The following IGF1R variants were observed in gnomAD, a reference collection of about 807,000 sequenced individuals.
IGF1R encodes the protein insulin like growth factor 1 receptor.
IGF1R carries 44 observed loss-of-function variants against 144.6 expected under a neutral mutation model. The observed-to-expected ratio is 0.30, with a 90% CI of 0.24 to 0.39. The LOEUF (loss-of-function observed/expected upper bound fraction) is 0.39, where lower values mean the gene tolerates loss of function less well. IGF1R is among the 10% of genes least tolerant of loss of function. IGF1R has a pLI of 1.00. For synonymous variants in IGF1R, 795 were observed against 722.8 expected, an observed-to-expected ratio of 1.10 and a Z score of -1.60; for missense variants, 1,355 against 1,833.7, an observed-to-expected ratio of 0.74 and a Z score of 4.77.
intron 2 of IGF1R, among the ~76,000 whole-genome samples, chr15:98,775,095 GT>G (rs1259616252): frequency 6.6e-6 from 1 of 152,082 alleles, no homozygotes; most frequent in Non-Finnish European, 1.5e-5. Context: ...GGGAAAATAG[GT>G]TATAATACCT....
intron 1 of IGF1R, among the ~76,000 whole-genome samples, chr15:98,694,602 T>G (rs772951186): frequency 1.3e-5 from 2 of 152,166 alleles, no homozygotes; most frequent in Non-Finnish European, 2.9e-5. Context: ...TGATTTGCTT[T>G]AAAGGCAAGG....
At chr15:98,933,743 C>T (rs958333674) in intron 15 of IGF1R, among the ~76,000 whole-genome samples, 6 of 152,140 alleles carry the variant, frequency 3.9e-5, no homozygotes, top group African/African-American at 1.4e-4. Context: ...TGGTCAAGGT[C>T]CCTGAGTTCA....
intron 2 of IGF1R, among the ~76,000 whole-genome samples, chr15:98,865,905 G>A (rs750608368): frequency 6.6e-6 from 1 of 152,098 alleles, no homozygotes; most frequent in African/African-American, 2.4e-5. Flanking sequence ...GAAAATCTGC[G>A]GTCCGAGAAC....
At chr15:98,733,941 A>G (rs531237925) in intron 2 of IGF1R, among the ~76,000 whole-genome samples, 67 of 152,254 alleles carry the variant, frequency 4.4e-4, no homozygotes, top group Non-Finnish European at 8.7e-4. Flanking sequence ...ACAGGAGCTG[A>G]TATTACATAC....
chr15:98,670,573 T>C (rs1442324861), intron 1 of IGF1R, among the ~76,000 whole-genome samples: 1 of 152,206 alleles, frequency 6.6e-6, no homozygotes, highest in African/African-American at 2.4e-5. Flanking sequence ...TACTGGTGTT[T>C]ATGAAATAAC....
intron 2 of IGF1R, among the ~76,000 whole-genome samples, chr15:98,808,603 C>T (rs1403402501): frequency 6.6e-6 from 1 of 151,972 alleles, no homozygotes; most frequent in East Asian, 1.9e-4. Flanking sequence ...AAGGCCCTCA[C>T]CCTTGAGGTG....
intron 2 of IGF1R, among the ~76,000 whole-genome samples, chr15:98,737,201 T>TA (rs2054631796): frequency 6.6e-6 from 1 of 152,180 alleles, no homozygotes; most frequent in Non-Finnish European, 1.5e-5. Context: ...TCATCTGACT[T>TA]ACACAGTGGT....
chr15:98,773,957 A>G (rs773314719), intron 2 of IGF1R, among the ~76,000 whole-genome samples: 6 of 152,028 alleles, frequency 3.9e-5, no homozygotes, highest in Non-Finnish European at 7.4e-5. Context: ...AACCTACCCT[A>G]TTTTTGTATT....
chr15:98,833,897 G>C (rs992871733), intron 2 of IGF1R, among the ~76,000 whole-genome samples: 4 of 152,106 alleles, frequency 2.6e-5, no homozygotes, highest in African/African-American at 4.8e-5. Flanking sequence ...CATAGTCAGG[G>C]TCCTCAAATG....
intron 2 of IGF1R, among the ~76,000 whole-genome samples, chr15:98,789,180 G>T (rs2141411563): frequency 6.6e-6 from 1 of 152,280 alleles, no homozygotes; most frequent in East Asian, 1.9e-4. Flanking sequence ...TTCTCTGTGT[G>T]TAAGTAGTTA....
Position 98,916,043 on chromosome 15 carries a change from G to A in IGF1R, c.1908G>A (p.Leu636=), listed in dbSNP as rs186558026. 11 of 1,614,064 alleles carry A rather than the reference G, an allele frequency of 6.8e-6. No individual in the cohort carries two copies. The East Asian group carries it at 2.2e-4, about 33-fold the overall frequency. Residue 636 remains leucine, a synonymous_variant, in exon 9 of 21, where the codon CTG becomes CTA. Transcript: ENST00000650285. ...TCGTGAAGTGGAACCCTCCCTCTCT[G>A]CCCAACGGCAACCTGAGTTACTACA... ...QLIVKWNPPS[L]PNGNLSYYIV... is the part of the protein sequence containing the mutation.
chr15:98,861,522 T>C lies in IGF1R; in HGVS notation c.641-29803T>C, dbSNP rs546170590. ...TAGGGGACATTAGCTTTCCACCCTCTACTACATACTTCCTAGTTGTTGCAG... is the reference window on the plus strand; with the variant it reads ...TAGGGGACATTAGCTTTCCACCCTCCACTACATACTTCCTAGTTGTTGCAG... On this transcript the variant is annotated intron_variant, in intron 2 of 20. Transcript: ENST00000650285. Among the ~76,000 whole-genome samples, 15 of 152,314 alleles carry C rather than the reference T, an allele frequency of 9.8e-5. No individual in the cohort carries two copies. In the East Asian group the frequency reaches 2.1e-3, roughly 22 times the overall value.
At chr15:98,812,036 CT>C (rs2056602424) in intron 2 of IGF1R, among the ~76,000 whole-genome samples, 1 of 152,194 alleles carries the variant, frequency 6.6e-6, no homozygotes, top group African/African-American at 2.4e-5. Context: ...AGTTCTTTTA[CT>C]TGTTCTTTGT....
At chr15:98,794,951 GC>G (rs1337849891) in intron 2 of IGF1R, among the ~76,000 whole-genome samples, 1 of 152,154 alleles carries the variant, frequency 6.6e-6, no homozygotes, top group Admixed American at 6.5e-5. Flanking sequence ...CCCAACCCCA[GC>G]CTTCCCAGCT....
At chr15:98,947,973 A>G (rs745454567) in intron 19 of IGF1R, among the ~76,000 whole-genome samples, 23 of 152,104 alleles carry the variant, frequency 1.5e-4, no homozygotes, top group Non-Finnish European at 1.6e-4. Context: ...ACCCCAGACC[A>G]ATCAAATCAG....
intron 1 of IGF1R, among the ~76,000 whole-genome samples, chr15:98,702,533 TA>T (rs1221330231): frequency 6.6e-6 from 1 of 152,090 alleles, no homozygotes; most frequent in Non-Finnish European, 1.5e-5. Flanking sequence ...GTATTTTTAG[TA>T]GAGATGGGGT....
rs1177958448 is a variant in IGF1R at position 98,929,603 on chromosome 15, C to T, written c.2828C>T (p.Ala943Val). Residue 943 changes from alanine to valine, a missense_variant, in exon 14 of 21, where the codon GCT (alanine) becomes GTT (valine). Ala to Val is a moderately conservative substitution (Grantham distance 64). Transcript: ENST00000650285. The part of the protein sequence containing the change: ...FIHLIIALPV[A>V]VLLIVGGLVI... ...CATCTGATCATCGCTCTGCCCGTCG[C>T]TGTCCTGTTGATCGTGGGAGGGTTG... The T allele has an allele frequency of 6.2e-7, 1 of 1,614,152 alleles. No individual in the cohort carries two copies. The highest frequency in any genetic ancestry group is 8.5e-7 in the Non-Finnish European group (1 of 1,180,008).
intron 1 of IGF1R, among the ~76,000 whole-genome samples, chr15:98,666,779 G>C (rs1287115353): frequency 1.3e-5 from 2 of 152,298 alleles, no homozygotes; most frequent in East Asian, 1.9e-4. Flanking sequence ...AATGGGTACA[G>C]AGTTTCAGTT....
At chr15:98,656,507 C>A (rs990473069) in intron 1 of IGF1R, among the ~76,000 whole-genome samples, 1 of 152,174 alleles carries the variant, frequency 6.6e-6, no homozygotes, top group African/African-American at 2.4e-5. Context: ...CAAGATGATG[C>A]CACTGCACTC....
Sources: allele counts gnomAD v4.1 joint callset (sites outside exome capture counted in the v4.1 genomes callset), GRCh38; gene constraint gnomAD v4.1.1; transcripts MANE v1.5; gene names NCBI Gene and HGNC (gene_info 2026-07-23, HGNC 2026-07-21).